TEX2: variants seen among roughly 807,000 people sequenced by gnomAD.
TEX2 encodes the protein testis-expressed protein 2.
A neutral mutation model predicts 106.9 loss-of-function variants in TEX2; 53 were observed. The observed-to-expected ratio is 0.50, with a 90% CI of 0.40 to 0.62. TEX2 has a LOEUF of 0.62. TEX2 is among the 20% of genes least tolerant of loss of function. The pLI is 0.00. For missense variants in TEX2, 1,207 were observed against 1,379.0 expected, an observed-to-expected ratio of 0.88 and a Z score of 1.98; for synonymous variants, 523 against 534.8, an observed-to-expected ratio of 0.98 and a Z score of 0.30.
chr17:64,177,593 T>C (rs971534962), intron 5 of TEX2, 122 bp from the exon 6 acceptor site: 8 of 1,009,234 alleles, frequency 7.9e-6, no homozygotes, highest in Non-Finnish European at 1.2e-5. Context: ...CGAGTCATAC[T>C]CCTTCCCTAT....
At chr17:64,198,021 T>G (rs928907796) in intron 2 of TEX2, among the ~76,000 whole-genome samples, 2 of 152,216 alleles carry the variant, frequency 1.3e-5, no homozygotes, top group African/African-American at 2.4e-5. Context: ...GTATTTTGCT[T>G]AATTTCCAAA....
intron 7 of TEX2, among the ~76,000 whole-genome samples, chr17:64,167,636 G>C (rs1972952): frequency 0.72 from 109,514 of 151,802 alleles, 39,609 homozygotes; most frequent in East Asian, 0.83. Context: ...CTGGCCAACA[G>C]GGAGAAACCC....
Position 64,213,903 on chromosome 17 carries a change from G to T in TEX2, c.315C>A (p.Ala105=). 6.2e-7 allele frequency: 1 copy of T among 1,614,216 alleles called. No homozygotes were observed. The highest frequency in any genetic ancestry group is 8.5e-7 in the Non-Finnish European group (1 of 1,180,020). ...CAGTGTTCTTGGAGACGGGCAAAAT[G>T]GCAGGGGCCTGGGACACGGACAGTC... ...ADGLSVSQAP[A]ILPVSKNTVK... The change falls in exon 2 of 12, where the codon GCC becomes GCA. Residue 105 remains alanine (A), a synonymous_variant. Transcript: ENST00000584379. The surrounding 1 kb of genome is among the most constrained non-coding windows in gnomAD (Gnocchi z 4.4).
chr17:64,241,376 A>T (rs563362854), intron 1 of TEX2, among the ~76,000 whole-genome samples: 1 of 152,348 alleles, frequency 6.6e-6, no homozygotes, highest in East Asian at 1.9e-4. Flanking sequence ...AAAAACAGAT[A>T]TGGCTGGGTC....
chr17:64,172,011 T>C (rs565526998), intron 6 of TEX2, among the ~76,000 whole-genome samples: 36 of 148,482 alleles, frequency 2.4e-4, no homozygotes, highest in African/African-American at 8.7e-4. Context: ...GAAGAGAAAT[T>C]GCTACATTTC....
At chr17:64,189,430 T>C (rs1432507616) in intron 4 of TEX2, among the ~76,000 whole-genome samples, 1 of 152,016 alleles carries the variant, frequency 6.6e-6, no homozygotes, top group Non-Finnish European at 1.5e-5. Flanking sequence ...AAGCAGCATA[T>C]GCAAAAAGCA....
At chr17:64,190,887 C>T (rs1290092940) in intron 4 of TEX2, among the ~76,000 whole-genome samples, 2 of 152,148 alleles carry the variant, frequency 1.3e-5, no homozygotes, top group South Asian at 2.1e-4. Context: ...GTGACAGCAT[C>T]CCTGAGGGAG....
chr17:64,192,106 C>A (rs2032323089), intron 4 of TEX2, among the ~76,000 whole-genome samples: 1 of 152,196 alleles, frequency 6.6e-6, no homozygotes, highest in Non-Finnish European at 1.5e-5. Context: ...CAGGTTTAGA[C>A]CTACCAGGAG....
In TEX2 at chr17:64,188,268, T is replaced by C. The variant is rs2032154531; in HGVS notation, c.2324A>G (p.Asp775Gly). Residue 775 changes from aspartate (D) to glycine (G), a missense_variant, in exon 5 of 12, where the codon GAC (aspartate) becomes GGC (glycine). Coordinates refer to ENST00000584379, the MANE Select transcript of TEX2 (RefSeq NM_001288732.2). ...AGSVRQKMLLDYSVYMGRCVP... is the reference protein window; with the variant it reads ...AGSVRQKMLLGYSVYMGRCVP... ...ACACCTGCCCATGTACACGCTGTAG[T>C]CGAGAAGCATCTTCTGCCGCACGCT... 3 of 1,614,030 alleles carry C rather than the reference T, an allele frequency of 1.9e-6. No homozygotes were observed. Among genetic ancestry groups the C allele is most frequent in the Middle Eastern group, 1.7e-4 (1 of 5,978 alleles).
chr17:64,199,720 C>A (rs112278430), intron 2 of TEX2, among the ~76,000 whole-genome samples: 2 of 152,196 alleles, frequency 1.3e-5, no homozygotes, highest in African/African-American at 4.8e-5. Context: ...GAATCCAGTG[C>A]GTACTTTACG....
chr17:64,179,854 A>G (rs1243459535), intron 5 of TEX2, among the ~76,000 whole-genome samples: 2 of 152,124 alleles, frequency 1.3e-5, no homozygotes, highest in Admixed American at 6.5e-5. Flanking sequence ...CTTAATGGAC[A>G]TGGATTATTC....
In TEX2 at chr17:64,195,767, T is replaced by C. The variant is rs2032447641; in HGVS notation, c.1645-672A>G. Among the ~76,000 whole-genome samples, 1 of 152,250 alleles carries C rather than the reference T, an allele frequency of 6.6e-6. No homozygotes were observed. Among genetic ancestry groups the C allele is most frequent in the Admixed American group, 6.5e-5 (1 of 15,284 alleles). On this transcript the variant is annotated intron_variant, in intron 2 of 11. Coordinates refer to ENST00000584379, the MANE Select transcript of TEX2 (RefSeq NM_001288732.2). This position sits in a 1 kb window ranked among gnomAD's most constrained non-coding sequence, Gnocchi z 4.1. Reference sequence around the variant, plus strand: ...ATGATTTTGTGTTACATATCTTGATTTTTTAAAAGAGCCAACACTGAAATG... The same window carrying C: ...ATGATTTTGTGTTACATATCTTGATCTTTTAAAAGAGCCAACACTGAAATG...
At chr17:64,166,359 T>C (rs541516514) in intron 7 of TEX2, among the ~76,000 whole-genome samples, 138 of 152,322 alleles carry the variant, frequency 9.1e-4, no homozygotes, top group African/African-American at 3.3e-3. Context: ...TTCCCCACAG[T>C]TGTACCGCTG....
intron 1 of TEX2, among the ~76,000 whole-genome samples, chr17:64,248,633 T>A (rs782038793): frequency 6.6e-6 from 1 of 152,234 alleles, no homozygotes; most frequent in Non-Finnish European, 1.5e-5. Context: ...AGACGAGGGT[T>A]CCCATGCCAG....
chr17:64,260,754 C>T (rs2034274972), intron 1 of TEX2, among the ~76,000 whole-genome samples: 1 of 152,098 alleles, frequency 6.6e-6, no homozygotes, highest in Non-Finnish European at 1.5e-5. Context: ...TTCCCTGTGA[C>T]CTCAGCAATT....
rs1485148498 is a variant in TEX2, at chr17:64,212,747, G to C, written c.1471C>G (p.Leu491Val). The C allele has an allele frequency of 3.1e-6, 5 of 1,614,064 alleles. No homozygotes were observed. The African/African-American group carries it at 6.7e-5, about 22-fold the overall frequency. The change falls in exon 2 of 12, where the codon CTC becomes GTC. Residue 491 changes from leucine (L) to valine (V), a missense_variant. This residue lies in a region of TEX2 where 1,067 missense variants were observed against 1,193.6 expected (regional missense o/e 0.89). Coordinates refer to ENST00000584379, the MANE Select transcript of TEX2 (RefSeq NM_001288732.2). ...MCVYVYLILP[L>V]PHYVSGLFLG... ...AAGAGTCCACTCACATAGTGGGGGA[G>C]GGGGAGGATGAGGTACACATAGACA...
chr17:64,171,026 C>T, intron 7 of TEX2, 74 bp downstream of exon 7: 1 of 1,233,518 alleles, frequency 8.1e-7, no homozygotes, highest in East Asian at 2.4e-5. Context: ...CCTCCAAACA[C>T]AAAGCCATCA....
intron 2 of TEX2, among the ~76,000 whole-genome samples, chr17:64,210,634 C>CTTTTTTTTTTT (rs58313195): frequency 0.023 from 1,744 of 74,728 alleles, 155 homozygotes; most frequent in Non-Finnish European, 0.034. Context: ...CAACCCCCAG[C>CTTTTTTTTTTT]TTTTTTTTTT....
chr17:64,200,651 A>G (rs1467485745), intron 2 of TEX2, among the ~76,000 whole-genome samples: 1 of 152,232 alleles, frequency 6.6e-6, no homozygotes, highest in Non-Finnish European at 1.5e-5. Context: ...TGTGAAAGAG[A>G]GAAGGGAGTT....
Sources: gnomAD v4.1 joint callset for allele counts (sites outside exome capture counted in the v4.1 genomes callset) on GRCh38, gnomAD v4.1.1 for gene constraint, gnomAD v4.1.1 regional missense constraint, Gnocchi (gnomAD v3.1) non-coding constraint, MANE v1.5 for transcripts, NCBI Gene and HGNC (gene_info 2026-07-23, HGNC 2026-07-21) for gene names.